Variants in DSC1 observed in about 807,000 individuals in gnomAD.
DSC1 encodes desmocollin 1.
Under a neutral mutation model 98.8 loss-of-function variants are expected in DSC1, and 79 were observed. The ratio of observed to expected loss-of-function variants is 0.80; its 90% CI spans 0.67 to 0.96. DSC1 has a LOEUF of 0.96. Ranked by LOEUF, DSC1 falls within the 50% of genes least tolerant of loss-of-function variation. The pLI, the probability that DSC1 is intolerant of heterozygous loss-of-function variation, is 0.00. For missense variants in DSC1, 1,115 were observed against 1,075.9 expected, an observed-to-expected ratio of 1.04 and a Z score of -0.51; for synonymous variants, 405 against 372.1, an observed-to-expected ratio of 1.09 and a Z score of -1.02.
intron 1 of DSC1, among the ~76,000 whole-genome samples, chr18:31,160,576 T>A (rs966224569): frequency 2.8e-4 from 42 of 152,286 alleles, no homozygotes; most frequent in Admixed American, 2.0e-3. Flanking sequence ...AAAATCTATG[T>A]TAGGCAGAAA....
chr18:31,155,613 T>C (rs538082868), intron 4 of DSC1, among the ~76,000 whole-genome samples: 2 of 152,270 alleles, frequency 1.3e-5, no homozygotes, highest in South Asian at 4.1e-4. Flanking sequence ...ATTTCAAAAC[T>C]GTTCTATGTT....
chr18:31,156,342 C>G (rs1336726784), intron 3 of DSC1, among the ~76,000 whole-genome samples, 180 bp from the exon 4 acceptor site: 2 of 152,146 alleles, frequency 1.3e-5, no homozygotes, highest in African/African-American at 2.4e-5. Flanking sequence ...TTATGTTCCC[C>G]CGTTCTACCT....
Position 31,162,542 on chromosome 18 carries a change from A to C in DSC1, c.53T>G (p.Phe18Cys). The part of the protein sequence containing the change: ...PGSIFCKQLL[F>C]SLLVLTLLCD... ...TTGGTTGTTACTCACCAGGAGAGAG[A>C]AAAGGAGCTGCTTACAGAAGATGCT... The change falls in exon 1 of 16, where the codon TTC becomes TGC. Residue 18 changes from phenylalanine to cysteine, a missense_variant. Transcript: ENST00000257198. The C allele has an allele frequency of 6.2e-7, 1 of 1,614,122 alleles. No homozygotes were observed. Among genetic ancestry groups the C allele is most frequent in the Non-Finnish European group, 8.5e-7 (1 of 1,179,994 alleles).
intron 14 of DSC1, 73 bp downstream of exon 14, chr18:31,132,495 T>C (rs551218424): frequency 5.7e-6 from 9 of 1,568,096 alleles, no homozygotes; most frequent in African/African-American, 5.4e-5. Flanking sequence ...GATATTATCA[T>C]TGACATTGTT....
chr18:31,134,583 T>C lies in DSC1; in HGVS notation c.1865A>G (p.Glu622Gly), dbSNP rs986275990. ...DNSASKNWNI[E>G]EKDGKTAILR... is the part of the protein sequence containing the mutation. ...GCATGATTACATACCATCCTTTTCTTCTATGTTCCAGTTTTTACTGGCAGA... is the reference window on the plus strand; with the variant it reads ...GCATGATTACATACCATCCTTTTCTCCTATGTTCCAGTTTTTACTGGCAGA... Residue 622 changes from glutamate to glycine, a missense_variant, in exon 12 of 16, where the codon GAA becomes GGA. Transcript: ENST00000257198. The C allele has an allele frequency of 1.2e-6, 2 of 1,608,730 alleles. No homozygotes were observed. Among genetic ancestry groups the C allele is most frequent in the African/African-American group, 1.3e-5 (1 of 74,786 alleles).
rs1989092496 is a variant in DSC1, at chr18:31,156,119, C to T, written c.395G>A (p.Ser132Asn). 5 of 1,614,036 alleles carry T rather than the reference C, an allele frequency of 3.1e-6. No homozygotes were observed. In the South Asian group the frequency reaches 3.3e-5, roughly 11 times the overall value. ...RHTKDTALKR[S>N]KRRWAPIPAS... The stretch of plus-strand genomic sequence containing the variant: ...TGGAATAGGAGCCCATCGTCTCTTG[C>T]TGCGCTTGAGGGCTGTGTCTTTGGT... The change falls in exon 4 of 16, where the codon AGC becomes AAC. Residue 132 changes from serine (S) to asparagine (N), a missense_variant. Ser to Asn is a conservative substitution (Grantham distance 46, BLOSUM62 1). Coordinates refer to ENST00000257198, the MANE Select transcript of DSC1 (RefSeq NM_024421.2).
intron 13 of DSC1, among the ~76,000 whole-genome samples, chr18:31,132,988 T>C (rs559905294): frequency 6.6e-6 from 1 of 152,244 alleles, no homozygotes; most frequent in East Asian, 1.9e-4. Context: ...GTAGTTAAAA[T>C]CATACAGAAC....
intron 1 of DSC1, among the ~76,000 whole-genome samples, chr18:31,160,821 C>T (rs1278070010): frequency 7.2e-5 from 11 of 152,050 alleles, no homozygotes; most frequent in Non-Finnish European, 5.9e-5. Context: ...CATACATATA[C>T]ATATGTACAC....
chr18:31,134,805 G>A (rs373326265), intron 11 of DSC1, 21 bp from the exon 12 acceptor site: 7 of 1,584,750 alleles, frequency 4.4e-6, no homozygotes, highest in Non-Finnish European at 5.2e-6. Context: ...TTAAAAATAG[G>A]TTATTTCTTC....
chr18:31,150,535 C>T (rs1988981133), intron 5 of DSC1, among the ~76,000 whole-genome samples: 1 of 45,826 alleles, frequency 2.2e-5, no homozygotes, highest in Non-Finnish European at 5.3e-5. Flanking sequence ...ATCATCACCG[C>T]TACCACTACC....
chr18:31,134,734 C>A lies in DSC1; in HGVS notation c.1714G>T (p.Asp572Tyr), dbSNP rs763041106. ...TCTTTGTCAATTTGAGGTGCGTGAT[C>A]GTTGTAATCATCCAAATGAACTACT... ...TLVVHLDDYN[D>Y]HAPQIDKEVT... is the part of the protein sequence containing the mutation. Residue 572 changes from aspartate (D) to tyrosine (Y), a missense_variant, in exon 12 of 16, where the codon GAT becomes TAT. Physicochemically the swap from Asp to Tyr is radical, Grantham distance 160. Transcript: ENST00000257198. The A allele has an allele frequency of 6.2e-6, 10 of 1,612,998 alleles. No individual in the cohort carries two copies. Among genetic ancestry groups the A allele is most frequent in the Non-Finnish European group, 8.5e-6 (10 of 1,179,446 alleles).
In DSC1 at chr18:31,140,312, A is replaced by T. The variant is rs997672187; in HGVS notation, c.1261-11T>A. 2 of 1,612,858 alleles carry T rather than the reference A, an allele frequency of 1.2e-6. No individual in the cohort carries two copies. Among genetic ancestry groups the T allele is most frequent in the African/African-American group, 2.7e-5 (2 of 74,876 alleles). ...TTCATAGTTCAATGGCTGTTAAATA[A>T]GCATACTTTAATAAGTCAATATATA... is the stretch of plus-strand genomic sequence containing the variant. On this transcript the variant is annotated splice_polypyrimidine_tract_variant and intron_variant, in intron 9 of 15. Coordinates refer to ENST00000257198, the MANE Select transcript of DSC1 (RefSeq NM_024421.2).
intron 5 of DSC1, among the ~76,000 whole-genome samples, chr18:31,151,969 C>G (rs1598627066): frequency 6.6e-6 from 1 of 152,142 alleles, no homozygotes; most frequent in African/African-American, 2.4e-5. Context: ...TGAGACCAGC[C>G]TGGCGAACAT....
chr18:31,132,048 T>G, intron 14 of DSC1: 1 of 608,310 alleles, frequency 1.6e-6, no homozygotes, highest in Non-Finnish European at 2.8e-6. Flanking sequence ...TAACTCAGAA[T>G]GTGAACTTAT....
At chr18:31,143,266 A>G (rs1386471282) in intron 8 of DSC1, among the ~76,000 whole-genome samples, 2 of 151,680 alleles carry the variant, frequency 1.3e-5, no homozygotes, top group African/African-American at 2.4e-5. Context: ...CTAGTTCCTT[A>G]CTTATCTTAA....
intron 15 of DSC1, chr18:31,131,340 G>C (rs16961328): frequency 0.056 from 26,454 of 475,790 alleles, 1,372 homozygotes; most frequent in African/African-American, 0.2. Context: ...AAGAGGCTAT[G>C]AACCTTTTAT....
rs1219817971 is a variant in DSC1, at chr18:31,140,259, C to T, written c.1303G>A (p.Gly435Ser). 4.3e-6 allele frequency: 7 copies of T among 1,613,928 alleles called. No individual in the cohort carries two copies. The highest frequency in any genetic ancestry group is 5.9e-6 in the Non-Finnish European group (7 of 1,179,880). Residue 435 changes from glycine (G) to serine (S), a missense_variant, in exon 10 of 16, where the codon GGT becomes AGT. By Grantham distance (56) the Gly-to-Ser change is moderately conservative (BLOSUM62 0). Coordinates refer to ENST00000257198, the MANE Select transcript of DSC1 (RefSeq NM_024421.2). ...GAGAATTGTGCCTCGTTAATGACAC[C>T]AACTTGCAAAATAACTTGGCGATTG... Reference protein sequence around the residue: ...EVNRQVILQVGVINEAQFSKA... With the variant: ...EVNRQVILQVSVINEAQFSKA...
chr18:31,136,620 G>GA (rs1988615561), intron 11 of DSC1, among the ~76,000 whole-genome samples: 1 of 152,152 alleles, frequency 6.6e-6, no homozygotes, highest in South Asian at 2.1e-4. Context: ...GGGCCACACT[G>GA]AAAACAGAAG....
At chr18:31,157,793 G>A (rs6506884) in intron 2 of DSC1, among the ~76,000 whole-genome samples, 85,172 of 152,062 alleles carry the variant, frequency 0.56, 24,137 homozygotes, top group East Asian at 0.66. Flanking sequence ...ACATTAATTT[G>A]AGAAATAAAA....
Sources: allele counts gnomAD v4.1 joint callset (sites outside exome capture counted in the v4.1 genomes callset), GRCh38; gene constraint gnomAD v4.1.1; transcripts MANE v1.5; gene names NCBI Gene and HGNC (gene_info 2026-07-23, HGNC 2026-07-21).